Variants in CIZ1 observed in about 807,000 individuals in gnomAD.
The protein encoded by CIZ1 is CDKN1A interacting zinc finger protein 1.
In CIZ1, 58 loss-of-function variants were observed where a neutral mutation model predicts 118.6. The observed-to-expected ratio is 0.49, with a 90% CI of 0.40 to 0.61. CIZ1 has a LOEUF of 0.61. Among genes scored for constraint, CIZ1 ranks in the 20% least tolerant of loss-of-function variants. CIZ1 has a pLI of 0.00. For missense variants in CIZ1, 921 were observed against 1,115.9 expected (o/e 0.83, Z 2.49); for synonymous variants, 448 against 443.4 (o/e 1.01, Z -0.13).
upstream of CIZ1, among the ~76,000 whole-genome samples, chr9:128,196,388 A>G (rs1399421479): frequency 1.3e-5 from 2 of 151,980 alleles, no homozygotes; most frequent in Non-Finnish European, 2.9e-5. Context: ...GTCTCTACAA[A>G]TAACTAAAAA....
chr9:128,192,946 GGC>G (rs1318832934), upstream of CIZ1, among the ~76,000 whole-genome samples: 1 of 152,206 alleles, frequency 6.6e-6, no homozygotes, highest in Non-Finnish European at 1.5e-5. Flanking sequence ...GGGCGGGCAG[GGC>G]GCGCGGGGGC....
chr9:128,190,463 T>C lies in CIZ1; in HGVS notation c.171-19A>G, dbSNP rs897802341. On this transcript the variant is annotated intron_variant, in intron 2 of 16. Transcript: ENST00000372938. Reference sequence around the variant, plus strand: ...GAGCCCCCTGTGTGTTGGGAGGGGGTGTCAGAGGGTTATTTGGAAAGTCAG... The same window carrying C: ...GAGCCCCCTGTGTGTTGGGAGGGGGCGTCAGAGGGTTATTTGGAAAGTCAG... 2 of 1,562,966 alleles carry C rather than the reference T, an allele frequency of 1.3e-6. No individual in the cohort carries two copies. Among genetic ancestry groups the C allele is most frequent in the South Asian group, 2.3e-5 (2 of 88,718 alleles).
At chr9:128,181,382 C>T (rs186060497) in intron 5 of CIZ1, among the ~76,000 whole-genome samples, 209 of 152,256 alleles carry the variant, frequency 1.4e-3, no homozygotes, top group Middle Eastern at 0.014. Flanking sequence ...ACAGAGGACA[C>T]GAGCTGTTCC....
At chr9:128,197,987 T>C (rs4422867) in intron 1 of CIZ1, 145,224 of 152,352 alleles carry the variant, frequency 0.95, 69,360 homozygotes, top group East Asian at 1. Context: ...GGGATTTGAA[T>C]ACCAGGCGGT....
At chr9:128,201,425 G>A (rs772079331) in intron 1 of CIZ1, among the ~76,000 whole-genome samples, 42 of 152,202 alleles carry the variant, frequency 2.8e-4, no homozygotes, top group Non-Finnish European at 4.8e-4. Flanking sequence ...ACTCCAGCCT[G>A]GCGACAGAGT....
upstream of CIZ1, chr9:128,192,060 A>G (rs1833211853): frequency 3.3e-6 from 2 of 600,654 alleles, no homozygotes; most frequent in South Asian, 7.1e-5. Context: ...AGATTTGGCT[A>G]AGGAAGGAGT....
rs10987916 is a variant in CIZ1 at position 128,191,561 on chromosome 9, T to G, written c.-135A>C. On this transcript the variant is annotated 5_prime_UTR_variant, in exon 1 of 17. Coordinates refer to ENST00000372938, the MANE Select transcript of CIZ1 (RefSeq NM_001131016.2). The surrounding 1 kb of genome is among the most constrained non-coding windows in gnomAD (Gnocchi z 5.5). ...CTCCCCGCTGCTACTCCGGGGCCTG[T>G]GGGCTCGTAAGGCCCAAATGCGGGC... 5.5e-6 allele frequency: 6 copies of G among 1,086,528 alleles called. No homozygotes were observed. The East Asian group carries it at 2.8e-4, about 50-fold the overall frequency. 67.3% of individuals were successfully genotyped at this position (1,086,528 alleles called of 1,614,324 possible).
Position 128,166,840 on chromosome 9 carries a change from G to A in CIZ1, c.2406C>T (p.Arg802=), listed in dbSNP as rs1829488915. 3.7e-6 allele frequency: 6 copies of A among 1,614,112 alleles called. No homozygotes were observed. In the Admixed American group the frequency reaches 8.3e-5, roughly 22 times the overall value. ...FLVPVMGYIC[R]ICHKFYHSNS... ...TGCTGTGATAGAACTTGTGGCAGAT[G>A]CGGCAGATATAGCCCATCACGGGCA... The change falls in exon 16 of 17, where the codon CGC becomes CGT. Residue 802 remains arginine, a synonymous_variant. Transcript: ENST00000372938. The surrounding 1 kb of genome is among the most constrained non-coding windows in gnomAD (Gnocchi z 4.4).
At chr9:128,167,417 C>G (rs1829570120) in intron 14 of CIZ1, 1 of 498,850 alleles carries the variant, frequency 2.0e-6, no homozygotes. Flanking sequence ...CCTACAGGCG[C>G]CATAATCCAC....
chr9:128,194,963 C>G (rs1833341507), upstream of CIZ1, among the ~76,000 whole-genome samples: 1 of 152,092 alleles, frequency 6.6e-6, no homozygotes, highest in Non-Finnish European at 1.5e-5. Context: ...GACTACAAGT[C>G]CATGCCACCA....
chr9:128,199,611 A>G (rs536033875), intron 1 of CIZ1, among the ~76,000 whole-genome samples: 1 of 152,022 alleles, frequency 6.6e-6, no homozygotes, highest in African/African-American at 2.4e-5. Context: ...TGGCTGAGGC[A>G]GGAAGCCTAC....
In CIZ1 at chr9:128,167,135, C is replaced by T. The variant is rs746724700; in HGVS notation, c.2325G>A (p.Glu775=). 3.7e-6 allele frequency: 6 copies of T among 1,602,660 alleles called. No individual in the cohort carries two copies. Among genetic ancestry groups the T allele is most frequent in the African/African-American group, 1.3e-5 (1 of 74,870 alleles). The change falls in exon 15 of 17, where the codon GAG becomes GAA. Residue 775 remains glutamate, a synonymous_variant. Transcript: ENST00000372938. The part of the protein sequence containing the change: ...QVRSRDISRE[E]WKGSETYSPN... ...GGCTGTAGGTCTCCGAGCCCTTCCA[C>T]TCCTCTCTGGATATATCTCTGGACC...
At chr9:128,177,528 G>GGGGCC in intron 10 of CIZ1, 38 bp downstream of exon 10, 1 of 1,164,642 alleles carries the variant, frequency 8.6e-7, no homozygotes. Context: ...TTCCACGCAG[G>GGGGCC]CCCCACCCCT....
chr9:128,186,805 T>C (rs1216434995), intron 4 of CIZ1, among the ~76,000 whole-genome samples: 1 of 152,128 alleles, frequency 6.6e-6, no homozygotes, highest in Non-Finnish European at 1.5e-5. Flanking sequence ...GCCTGGGCTG[T>C]TCTACCCACT....
chr9:128,170,027 T>C lies in CIZ1; in HGVS notation c.2024A>G (p.Asp675Gly). Residue 675 changes from aspartate (D) to glycine (G), a missense_variant, in exon 12 of 17, where the codon GAC (aspartate) becomes GGC (glycine). By Grantham distance (94) the Asp-to-Gly change is moderately conservative. Coordinates refer to ENST00000372938, the MANE Select transcript of CIZ1 (RefSeq NM_001131016.2). ...GDLIQHRRTQ[D>G]HKIAKQSLRP... ...GCGTGCAGGCCCTCCTACCTTGTGG[T>C]CCTGTGTCCTGCGGTGTTGGATCAG... 1 of 1,613,250 alleles carries C rather than the reference T, an allele frequency of 6.2e-7. No homozygotes were observed. The highest frequency in any genetic ancestry group is 8.5e-7 in the Non-Finnish European group (1 of 1,179,766).
intron 6 of CIZ1, 37 bp from the exon 7 acceptor site, chr9:128,180,560 G>C: frequency 6.4e-7 from 1 of 1,567,734 alleles, no homozygotes; most frequent in Non-Finnish European, 8.8e-7. Context: ...CTCATGTTGG[G>C]AAGAGCAAGC....
intron 13 of CIZ1, 58 bp downstream of exon 13, chr9:128,169,348 C>T (rs1172668779): frequency 6.5e-7 from 1 of 1,529,134 alleles, no homozygotes; most frequent in Admixed American, 1.7e-5. Context: ...TGCTACACAG[C>T]CTTGGCCAAG....
chr9:128,172,545 A>C (rs1200019797), intron 11 of CIZ1, among the ~76,000 whole-genome samples: 1 of 152,186 alleles, frequency 6.6e-6, no homozygotes, highest in Non-Finnish European at 1.5e-5. Context: ...ACTCTCTATA[A>C]AATATGCAAA....
At chr9:128,189,460 A>T (rs543957237) in intron 3 of CIZ1, among the ~76,000 whole-genome samples, 2 of 152,188 alleles carry the variant, frequency 1.3e-5, no homozygotes, top group South Asian at 4.2e-4. Flanking sequence ...TCTGGGCCTC[A>T]GTTTCTTCAT....
Sources: gnomAD v4.1 joint callset for allele counts (sites outside exome capture counted in the v4.1 genomes callset) on GRCh38, gnomAD v4.1.1 for gene constraint, Gnocchi (gnomAD v3.1) non-coding constraint, MANE v1.5 for transcripts, NCBI Gene and HGNC (gene_info 2026-07-23, HGNC 2026-07-21) for gene names.